Variants in XKR4 observed in about 807,000 individuals in gnomAD.
XKR4 encodes XK-related protein 4.
In XKR4, 12 loss-of-function variants were observed where a neutral mutation model predicts 53.9. The observed-to-expected ratio is 0.22, with a 90% CI of 0.14 to 0.36. The LOEUF (loss-of-function observed/expected upper bound fraction) is 0.36, where lower values mean the gene tolerates loss of function less well. XKR4 is among the 10% of genes least tolerant of loss of function. The pLI, the probability that XKR4 is intolerant of heterozygous loss-of-function variation, is 1.00. For missense variants in XKR4, 799 were observed against 859.5 expected (o/e 0.93, Z 0.88); for synonymous variants, 354 against 362.4 (o/e 0.98, Z 0.26).
At chr8:55,369,578 G>A in intron 2 of XKR4, among the ~76,000 whole-genome samples, 1 of 111,586 alleles carries the variant, frequency 9.0e-6, no homozygotes, top group Non-Finnish European at 1.8e-5. Context: ...GGGAGGGAGG[G>A]AGGGAGGGAA....
At chr8:55,289,015 A>G (rs969726360) in intron 1 of XKR4, among the ~76,000 whole-genome samples, 8 of 152,116 alleles carry the variant, frequency 5.3e-5, no homozygotes, top group Admixed American at 3.9e-4. Context: ...ATTGCCAAGT[A>G]GTGCACCATG....
chr8:55,496,922 C>A lies in XKR4; in HGVS notation c.1007-26359C>A, dbSNP rs143942554. Among the ~76,000 whole-genome samples the A allele has an allele frequency of 2.3e-3, 352 of 152,244 alleles. 1 individual carries two copies. Among genetic ancestry groups the A allele is most frequent in the African/African-American group, 8.0e-3 (334 of 41,540 alleles). On this transcript the variant is annotated intron_variant, in intron 2 of 2. Transcript: ENST00000327381. ...AGGGGAAAATAACTGTGTCAAATAT[C>A]CATACCAGCCTACCCAATCTGTCCC...
chr8:55,317,847 G>A (rs759442337), intron 1 of XKR4, among the ~76,000 whole-genome samples: 1 of 152,204 alleles, frequency 6.6e-6, no homozygotes, highest in Non-Finnish European at 1.5e-5. Flanking sequence ...CCTAACATCA[G>A]GGGCTGAGAC....
chr8:55,459,931 C>T (rs1398922080), intron 2 of XKR4, among the ~76,000 whole-genome samples: 1 of 150,738 alleles, frequency 6.6e-6, no homozygotes, highest in Non-Finnish European at 1.5e-5. Flanking sequence ...CAGGTAACTT[C>T]TCAAGAGAAA....
chr8:55,451,470 A>G, intron 2 of XKR4: 1 of 1,237,842 alleles, frequency 8.1e-7, no homozygotes, highest in Non-Finnish European at 1.2e-6. Flanking sequence ...GCTCCAGGCT[A>G]CTCGAGTCTG....
intron 1 of XKR4, among the ~76,000 whole-genome samples, chr8:55,225,364 G>A (rs763583817): frequency 1.3e-5 from 2 of 152,168 alleles, no homozygotes; most frequent in African/African-American, 4.8e-5. Context: ...GCTTTAGGTG[G>A]GATAGATTAT....
intron 1 of XKR4, among the ~76,000 whole-genome samples, chr8:55,250,593 T>A (rs1202620787): frequency 6.6e-6 from 1 of 152,190 alleles, no homozygotes; most frequent in African/African-American, 2.4e-5. Flanking sequence ...ATCCTGTACA[T>A]CCTACCTGGC....
At chr8:55,149,225 A>T (rs117245557) in intron 1 of XKR4, among the ~76,000 whole-genome samples, 2,398 of 152,292 alleles carry the variant, frequency 0.016, 33 homozygotes, top group Middle Eastern at 0.051. Context: ...CCATCCAGCT[A>T]TCCTGATTGT....
Position 55,462,494 on chromosome 8 carries a change from C to A in XKR4, c.1007-60787C>A, listed in dbSNP as rs180820758. 6.0e-3 allele frequency among the ~76,000 whole-genome samples: 906 copies of A among 152,256 alleles called. 10 individuals carry two copies. Among genetic ancestry groups the A allele is most frequent in the African/African-American group, 0.02 (842 of 41,564 alleles). On this transcript the variant is annotated intron_variant, in intron 2 of 2. Coordinates refer to ENST00000327381, the MANE Select transcript of XKR4 (RefSeq NM_052898.2). ...AGGAAGCATTAAACATGGAAAGGAA[C>A]AACCGGTACCAGCCACTGCAAAAAT...
chr8:55,155,978 AT>A (rs545335405), intron 1 of XKR4, among the ~76,000 whole-genome samples: 32 of 152,352 alleles, frequency 2.1e-4, no homozygotes, highest in South Asian at 2.1e-3. Context: ...ACACAAAAAA[AT>A]ATCACTCAAA....
intron 1 of XKR4, among the ~76,000 whole-genome samples, chr8:55,318,005 G>A (rs2129379065): frequency 6.6e-6 from 1 of 152,300 alleles, no homozygotes; most frequent in East Asian, 1.9e-4. Context: ...TCATTCACAG[G>A]AACCAAGTAA....
chr8:55,209,560 G>C (rs1450987962), intron 1 of XKR4, among the ~76,000 whole-genome samples: 2 of 152,164 alleles, frequency 1.3e-5, no homozygotes, highest in African/African-American at 4.8e-5. Context: ...AACTGGTGTT[G>C]GCAGAGTTCT....
rs576017306 is a variant in XKR4, at chr8:55,456,258, C to G, written c.1007-67023C>G. 2.9e-3 allele frequency among the ~76,000 whole-genome samples: 435 copies of G among 152,064 alleles called. 3 individuals carry two copies. The highest frequency in any genetic ancestry group is 9.8e-3 in the African/African-American group (405 of 41,478). On this transcript the variant is annotated intron_variant, in intron 2 of 2. Coordinates refer to ENST00000327381, the MANE Select transcript of XKR4 (RefSeq NM_052898.2). ...ACCAGCCTGACCAACATGGAGAAAC[C>G]CTGTCTCTACTAAAAATACAAAATT...
intron 1 of XKR4, among the ~76,000 whole-genome samples, chr8:55,188,145 A>G (rs999985110): frequency 4.6e-5 from 7 of 152,142 alleles, no homozygotes; most frequent in African/African-American, 1.4e-4. Flanking sequence ...ATTCATAGGA[A>G]CTTAGAGGAG....
intron 1 of XKR4, among the ~76,000 whole-genome samples, chr8:55,184,587 C>G (rs1177928024): frequency 1.3e-5 from 2 of 152,176 alleles, no homozygotes; most frequent in Admixed American, 1.3e-4. Context: ...TGTGTATCTG[C>G]TCTGTGTGTC....
At chr8:55,476,380 C>T (rs1250294099) in intron 2 of XKR4, among the ~76,000 whole-genome samples, 2 of 152,050 alleles carry the variant, frequency 1.3e-5, no homozygotes, top group African/African-American at 4.8e-5. Context: ...AGGCAGGAAA[C>T]GGATATGGTT....
intron 1 of XKR4, among the ~76,000 whole-genome samples, chr8:55,145,775 A>T (rs1435096701): frequency 6.6e-6 from 1 of 152,242 alleles, no homozygotes; most frequent in Admixed American, 6.5e-5. Flanking sequence ...TAAGAACAAG[A>T]GCTATCTGTT....
intron 1 of XKR4, among the ~76,000 whole-genome samples, chr8:55,174,943 C>G (rs1325283615): frequency 1.3e-5 from 2 of 152,210 alleles, no homozygotes; most frequent in African/African-American, 4.8e-5. Flanking sequence ...TCTCAAGTTC[C>G]TCTCCAGATG....
intron 1 of XKR4, among the ~76,000 whole-genome samples, chr8:55,277,671 G>C (rs1818783210): frequency 6.6e-6 from 1 of 152,096 alleles, no homozygotes; most frequent in African/African-American, 2.4e-5. Flanking sequence ...TCAGATGTTG[G>C]AGCATTTTGC....
Sources: allele counts gnomAD v4.1 joint callset (sites outside exome capture counted in the v4.1 genomes callset), GRCh38; gene constraint gnomAD v4.1.1; transcripts MANE v1.5; gene names NCBI Gene and HGNC (gene_info 2026-07-23, HGNC 2026-07-21).